Variants in C11orf24 observed in about 807,000 individuals in gnomAD.
C11orf24 encodes the protein chromosome 11 open reading frame 24.
A neutral mutation model predicts 7.3 loss-of-function variants in C11orf24; 5 were observed. The observed-to-expected ratio is 0.69, with a 90% CI of 0.36 to 1.45. The LOEUF is 1.45. Ranked by LOEUF, C11orf24 falls within the 40% of genes most tolerant of loss-of-function variation. The pLI, the probability that C11orf24 is intolerant of heterozygous loss-of-function variation, is 0.03. For missense variants in C11orf24, 566 were observed against 590.5 expected, an observed-to-expected ratio of 0.96 and a Z score of 0.43; for synonymous variants, 233 against 235.7, an observed-to-expected ratio of 0.99 and a Z score of 0.11.
intron 1 of C11orf24, among the ~76,000 whole-genome samples, chr11:68,269,727 G>C (rs111485814): frequency 8.5e-5 from 13 of 152,288 alleles, no homozygotes; most frequent in African/African-American, 3.1e-4. Context: ...ACACTCCACG[G>C]GTTTCTCAGG....
At chr11:68,264,966 C>T (rs894898561) in intron 2 of C11orf24, among the ~76,000 whole-genome samples, 4 of 151,786 alleles carry the variant, frequency 2.6e-5, no homozygotes, top group African/African-American at 9.7e-5. Flanking sequence ...GGGCAGAAGC[C>T]CCAAGGGTGG....
At chr11:68,264,485 C>CCCACCCATCCAT (rs2098563591) in intron 2 of C11orf24, among the ~76,000 whole-genome samples, 10 of 91,210 alleles carry the variant, frequency 1.1e-4, no homozygotes, top group Non-Finnish European at 2.1e-4. Context: ...CATCCATCCA[C>CCCACCCATCCAT]CCACCCATCC....
intron 1 of C11orf24, among the ~76,000 whole-genome samples, chr11:68,270,430 G>C (rs2098567335): frequency 1.3e-5 from 2 of 152,014 alleles, no homozygotes; most frequent in African/African-American, 4.8e-5. Context: ...ACCTTGGCTT[G>C]TTATATGTGG....
intron 1 of C11orf24, among the ~76,000 whole-genome samples, chr11:68,270,643 G>T (rs954029190): frequency 6.6e-6 from 1 of 151,694 alleles, no homozygotes; most frequent in Non-Finnish European, 1.5e-5. Flanking sequence ...GCATAGAGAG[G>T]TTCCAAAGAC....
At chr11:68,264,537 T>C (rs61887789) in intron 2 of C11orf24, among the ~76,000 whole-genome samples, 11 of 12,560 alleles carry the variant, frequency 8.8e-4, no homozygotes, top group South Asian at 3.0e-3. Flanking sequence ...CATCCATCCA[T>C]CCATCCATCC....
intron 2 of C11orf24, among the ~76,000 whole-genome samples, chr11:68,266,440 AC>A (rs2098565208): frequency 6.6e-6 from 1 of 152,190 alleles, no homozygotes; most frequent in South Asian, 2.1e-4. Flanking sequence ...GTTCCACGAG[AC>A]TTCCGGTCTC....
In C11orf24 at chr11:68,261,550, T is replaced by C; in HGVS notation, c.*95A>G. On this transcript the variant is annotated 3_prime_UTR_variant, in exon 4 of 4. Coordinates refer to ENST00000304271, the MANE Select transcript of C11orf24 (RefSeq NM_022338.4). Reference sequence around the variant, plus strand: ...TAAGCATCTGGCATATCTCCTCAATTGCACCAAAAGAATTTGGAAGCACTT... The same window carrying C: ...TAAGCATCTGGCATATCTCCTCAATCGCACCAAAAGAATTTGGAAGCACTT... 2 of 1,117,732 alleles carry C rather than the reference T, an allele frequency of 1.8e-6. No homozygotes were observed. The highest frequency in any genetic ancestry group is 2.6e-6 in the Non-Finnish European group (2 of 777,674). 69.2% of individuals were successfully genotyped at this position (1,117,732 alleles called of 1,614,324 possible).
At position 68,263,715 on chromosome 11, in the gene C11orf24, C is replaced by T. The variant is rs2098563141; in HGVS notation, c.53G>A (p.Ser18Asn). The change falls in exon 3 of 4, where the codon AGC becomes AAC. Residue 18 changes from serine to asparagine, a missense_variant. Ser to Asn is a conservative substitution (Grantham distance 46). Coordinates refer to ENST00000304271, the MANE Select transcript of C11orf24 (RefSeq NM_022338.4). ...IWIFSLSLSE[S>N]HAASNDPRNF... ...ACGTGGATCGTTGGATGCCGCATGGCTTTCAGATAAGGACAAGGAGAAAAT... is the reference window on the plus strand; with the variant it reads ...ACGTGGATCGTTGGATGCCGCATGGTTTTCAGATAAGGACAAGGAGAAAAT... The T allele has an allele frequency of 1.2e-6, 2 of 1,613,660 alleles. No homozygotes were observed. Among genetic ancestry groups the T allele is most frequent in the Non-Finnish European group, 1.7e-6 (2 of 1,179,966 alleles).
At position 68,261,641 on chromosome 11, in the gene C11orf24, C is replaced by T. The variant is rs1215512039; in HGVS notation, c.*4G>A. The stretch of plus-strand genomic sequence containing the variant: ...CCAGGCCTCCCGCCAGGCCCCCGCC[C>T]CCCTCACATTTCTGAGTCCGCATAC... On this transcript the variant is annotated 3_prime_UTR_variant, in exon 4 of 4. Transcript: ENST00000304271. 1.5e-5 allele frequency: 24 copies of T among 1,596,928 alleles called. No individual in the cohort carries two copies. Among genetic ancestry groups the T allele is most frequent in the Non-Finnish European group, 2.1e-5 (24 of 1,166,378 alleles).
chr11:68,263,209 T>G, intron 3 of C11orf24: 1 of 477,128 alleles, frequency 2.1e-6, no homozygotes, highest in Non-Finnish European at 3.8e-6. Context: ...TCCCAAAACA[T>G]CAGAGTAAAA....
chr11:68,261,523 T>C lies in C11orf24; in HGVS notation c.*122A>G, dbSNP rs983743738. 12 of 767,460 alleles carry C rather than the reference T, an allele frequency of 1.6e-5. No individual in the cohort carries two copies. Among genetic ancestry groups the C allele is most frequent in the Non-Finnish European group, 2.3e-5 (11 of 475,756 alleles). The allele number at this position is 767,460 out of a possible 1,614,324, so 47.5% of individuals were successfully genotyped here. On this transcript the variant is annotated 3_prime_UTR_variant, in exon 4 of 4. Transcript: ENST00000304271. ...ATTAATCTGACAGCAATTAAATGTG[T>C]TTAAGCATCTGGCATATCTCCTCAA...
chr11:68,264,553 T>C (rs200489806), intron 2 of C11orf24, among the ~76,000 whole-genome samples: 321 of 2,150 alleles, frequency 0.15, 7 homozygotes, highest in Middle Eastern at 0.5. Flanking sequence ...CATCCATCCA[T>C]CCACCCACTA....
intron 2 of C11orf24, among the ~76,000 whole-genome samples, chr11:68,264,287 G>C (rs899809248): frequency 2.6e-5 from 4 of 151,940 alleles, no homozygotes; most frequent in African/African-American, 9.7e-5. Context: ...CCTGTGACAG[G>C]TGACTGTGCC....
chr11:68,262,437 T>C lies in C11orf24; in HGVS notation c.558A>G (p.Pro186=), dbSNP rs939312806. ...RTPSTTATGH[P]SLSTALAQVP... Reference sequence around the variant, plus strand: ...CTTGTGCGAGGGCTGTGCTGAGAGATGGATGCCCAGTGGCGGTAGTGGACG... The same window carrying C: ...CTTGTGCGAGGGCTGTGCTGAGAGACGGATGCCCAGTGGCGGTAGTGGACG... Residue 186 remains proline (P), a synonymous_variant, in exon 4 of 4, where the codon CCA becomes CCG. Coordinates refer to ENST00000304271, the MANE Select transcript of C11orf24 (RefSeq NM_022338.4). 2 of 1,614,058 alleles carry C rather than the reference T, an allele frequency of 1.2e-6. No individual in the cohort carries two copies. Among genetic ancestry groups the C allele is most frequent in the East Asian group, 2.2e-5 (1 of 44,882 alleles).
rs2153103445 is a variant in C11orf24, at chr11:68,263,639, T to A, written c.76+53A>T. 3.3e-6 allele frequency: 5 copies of A among 1,536,934 alleles called. No homozygotes were observed. The East Asian group carries it at 1.1e-4, about 35-fold the overall frequency. ...AGATGCTGCTTTCAAGGGCTCAGCA[T>A]GCTTTGTGGCCACCGTGGGCCCATC... On this transcript the variant is annotated intron_variant, in intron 3 of 3. Transcript: ENST00000304271.
chr11:68,267,887 T>G (rs1235479922), intron 2 of C11orf24, 167 bp downstream of exon 2: 1 of 152,340 alleles, frequency 6.6e-6, no homozygotes, highest in Non-Finnish European at 1.5e-5. Context: ...AGGCAGGGCC[T>G]CTGACAGTTA....
chr11:68,271,486 C>T (rs2098567937), intron 1 of C11orf24, among the ~76,000 whole-genome samples: 1 of 152,118 alleles, frequency 6.6e-6, no homozygotes, highest in Admixed American at 6.5e-5. Context: ...CCGGGAAAGA[C>T]CCCAGGACAA....
At chr11:68,270,092 C>T (rs1353796372) in intron 1 of C11orf24, among the ~76,000 whole-genome samples, 1 of 152,128 alleles carries the variant, frequency 6.6e-6, no homozygotes, top group East Asian at 1.9e-4. Flanking sequence ...CTGGGTAGAT[C>T]AGGGTCTCAG....
intron 1 of C11orf24, among the ~76,000 whole-genome samples, chr11:68,271,467 T>C (rs1346246359): frequency 6.6e-6 from 1 of 152,278 alleles, no homozygotes; most frequent in East Asian, 1.9e-4. Context: ...AGTCCCGTCC[T>C]GGGCTTGCCC....
Sources: allele counts gnomAD v4.1 joint callset (sites outside exome capture counted in the v4.1 genomes callset), GRCh38; gene constraint gnomAD v4.1.1; transcripts MANE v1.5; gene names NCBI Gene and HGNC (gene_info 2026-07-23, HGNC 2026-07-21).